MCUR1: variants seen among roughly 807,000 people sequenced by gnomAD.
MCUR1 encodes the protein mitochondrial calcium uniporter regulator 1.
In MCUR1, 37 loss-of-function variants were observed where a neutral mutation model predicts 42.0. The ratio of observed to expected loss-of-function variants is 0.88; its 90% confidence interval spans 0.68 to 1.16. The LOEUF is 1.16. MCUR1 is among the 50% of genes most tolerant of loss of function. The probability of loss-of-function intolerance (pLI) is 0.00; values close to 1 mark genes in which losing one functional copy is unlikely to be tolerated. For synonymous variants in MCUR1, 229 were observed against 196.2 expected (o/e 1.17, Z -1.40); for missense variants, 469 against 468.4 (o/e 1.00, Z -0.01).
intron 8 of MCUR1, among the ~76,000 whole-genome samples, 165 bp from the exon 9 acceptor site, chr6:13,791,029 C>A (rs369265327): frequency 4.6e-5 from 7 of 152,244 alleles, no homozygotes; most frequent in South Asian, 4.1e-4. Flanking sequence ...AAATCCCACA[C>A]CCTTTATTTT....
At chr6:13,810,719 TAGCTGTGGTCAC>T (rs1760214088) in intron 1 of MCUR1, among the ~76,000 whole-genome samples, 2 of 152,040 alleles carry the variant, frequency 1.3e-5, no homozygotes, top group Non-Finnish European at 2.9e-5. Context: ...AAGGGGAGGG[TAGCTGTGGTCAC>T]TGTAAGCATC....
chr6:13,795,091 A>G (rs74423890), intron 6 of MCUR1, among the ~76,000 whole-genome samples: 7,524 of 151,558 alleles, frequency 0.05, 636 homozygotes, highest in African/African-American at 0.17. Context: ...GCTATAAAAT[A>G]TTCTCCTGGG....
rs1760047593 is a variant in MCUR1 at position 13,803,879 on chromosome 6, T to C, written c.536-1533A>G. ...TGGGTGTGGTGGCTCACGCCTGTAA[T>C]CCTAACACTCTGGGAGACCAAGGCG... On this transcript the variant is annotated intron_variant, in intron 2 of 8. Coordinates refer to ENST00000379170, the MANE Select transcript of MCUR1 (RefSeq NM_001031713.4). 3 of 984,742 alleles carry C rather than the reference T, an allele frequency of 3.0e-6. 1 individual carries two copies. The allele number at this position is 984,742 out of a possible 1,614,324, so 61.0% of individuals were successfully genotyped here. A position where few individuals can be genotyped will look rare whatever the true frequency, so the allele number is the denominator to read the frequency against.
intron 2 of MCUR1, among the ~76,000 whole-genome samples, chr6:13,805,615 G>C (rs1760097434): frequency 6.6e-6 from 1 of 152,178 alleles, no homozygotes; most frequent in Admixed American, 6.5e-5. Flanking sequence ...CTCCCACAAA[G>C]CACAGAATAA....
At chr6:13,806,891 C>A in intron 2 of MCUR1, 34 bp downstream of exon 2, 1 of 1,541,060 alleles carries the variant, frequency 6.5e-7, no homozygotes, top group South Asian at 1.2e-5. Flanking sequence ...AAGTGTTTTT[C>A]TAAGGCACTA....
At chr6:13,807,646 G>T (rs1760139421) in intron 1 of MCUR1, among the ~76,000 whole-genome samples, 3 of 152,140 alleles carry the variant, frequency 2.0e-5, no homozygotes, top group Admixed American at 6.5e-5. Flanking sequence ...AATATACTTA[G>T]GAGTAGAATT....
In MCUR1 at chr6:13,791,873, C is replaced by T; in HGVS notation, c.1024+5G>A. On this transcript the variant is annotated splice_donor_5th_base_variant and intron_variant, in intron 8 of 8. Coordinates refer to ENST00000379170, the MANE Select transcript of MCUR1 (RefSeq NM_001031713.4). ...GTTGATTTAAATAGATACAAAATAG[C>T]TTACCTGCTAAATATTTAATATTAT... 6.3e-7 allele frequency: 1 copy of T among 1,594,040 alleles called. No homozygotes were observed. Among genetic ancestry groups the T allele is most frequent in the South Asian group, 1.1e-5 (1 of 89,596 alleles).
intron 1 of MCUR1, among the ~76,000 whole-genome samples, chr6:13,807,258 T>A (rs1282815636): frequency 6.6e-6 from 1 of 152,236 alleles, no homozygotes; most frequent in Admixed American, 6.5e-5. Context: ...AATACTTTCA[T>A]CACTGTCAAG....
At chr6:13,804,591 A>G (rs989911312) in intron 2 of MCUR1, among the ~76,000 whole-genome samples, 5 of 151,028 alleles carry the variant, frequency 3.3e-5, no homozygotes, top group Admixed American at 6.6e-5. Context: ...TGGCTAACAC[A>G]GTGAAACCCC....
At position 13,814,168 on chromosome 6, in the gene MCUR1, G is replaced by C; in HGVS notation, c.262C>G (p.Gln88Glu). ...CGCGAGCGCTCCCAGTCCCCGAGCT[G>C]CCGGCGCGGGGCTGCGGCGGCCAAG... ...PRLAAAAPRR[Q>E]LGDWERSRLG... Residue 88 changes from glutamine to glutamate, a missense_variant, in exon 1 of 9, where the codon CAG (glutamine) becomes GAG (glutamate). By Grantham distance (29) the Gln-to-Glu change is conservative. Transcript: ENST00000379170. 7.5e-7 allele frequency: 1 copy of C among 1,333,260 alleles called. No homozygotes were observed. The highest frequency in any genetic ancestry group is 9.5e-7 in the Non-Finnish European group (1 of 1,049,326). 82.6% of individuals were successfully genotyped at this position (1,333,260 alleles called of 1,614,324 possible).
chr6:13,814,459 G>C lies in MCUR1; in HGVS notation c.-30C>G, dbSNP rs770571094. The C allele has an allele frequency of 1.4e-6, 2 of 1,463,974 alleles. No individual in the cohort carries two copies. The highest frequency in any genetic ancestry group is 2.6e-5 in the Admixed American group (1 of 38,668). The allele number at this position is 1,463,974 out of a possible 1,614,324, so 90.7% of individuals were successfully genotyped here. A position where few individuals can be genotyped will look rare whatever the true frequency, so the allele number is the denominator to read the frequency against. On this transcript the variant is annotated 5_prime_UTR_variant, in exon 1 of 9. Coordinates refer to ENST00000379170, the MANE Select transcript of MCUR1 (RefSeq NM_001031713.4). Reference sequence around the variant, plus strand: ...GAGCAGTTCACTGGCCCGGGCGCGCGCTCATGCCTCTCGCTTTTGGCGCCG... The same window carrying C: ...GAGCAGTTCACTGGCCCGGGCGCGCCCTCATGCCTCTCGCTTTTGGCGCCG...
At chr6:13,799,827 CTTTTTT>C (rs542304036) in intron 5 of MCUR1, among the ~76,000 whole-genome samples, 3 of 96,212 alleles carry the variant, frequency 3.1e-5, no homozygotes, top group African/African-American at 1.1e-4. Flanking sequence ...ACACAATTTT[CTTTTTT>C]TTTTTTTTTT....
At chr6:13,812,978 G>T (rs1760270673) in intron 1 of MCUR1, among the ~76,000 whole-genome samples, 1 of 152,130 alleles carries the variant, frequency 6.6e-6, no homozygotes, top group Non-Finnish European at 1.5e-5. Context: ...AGGACAGAGG[G>T]GCACACACGA....
rs1760129440 is a variant in MCUR1, at chr6:13,807,162, TGA to T, written c.416-120_416-119del. 2.7e-6 allele frequency: 3 copies of T among 1,121,670 alleles called. No individual in the cohort carries two copies. The South Asian group carries it at 5.7e-5, about 21-fold the overall frequency. 69.5% of individuals were successfully genotyped at this position (1,121,670 alleles called of 1,614,324 possible). On this transcript the variant is annotated intron_variant, in intron 1 of 8. Coordinates refer to ENST00000379170, the MANE Select transcript of MCUR1 (RefSeq NM_001031713.4). The stretch of plus-strand genomic sequence containing the variant: ...TCGTGGTACTTTATAACAGCTTCGT[TGA>T]GATATACAATTCACCCAATTTCAAG...
rs199819287 is a variant in MCUR1 at position 13,808,899 on chromosome 6, GTTTGT to G, written c.416-1860_416-1856del. 4.5e-3 allele frequency among the ~76,000 whole-genome samples: 680 copies of G among 152,148 alleles called. 2 individuals are homozygous for G. Among genetic ancestry groups the G allele is most frequent in the African/African-American group, 0.015 (630 of 41,500 alleles). The stretch of plus-strand genomic sequence containing the variant: ...GCCACACTTTCTTGATTACTTTTAA[GTTTGT>G]TTTAAGTTTGACATCAGAAAGTGTT... On this transcript the variant is annotated intron_variant, in intron 1 of 8. Transcript: ENST00000379170.
chr6:13,804,592 G>C (rs1432323797), intron 2 of MCUR1, among the ~76,000 whole-genome samples: 1 of 151,578 alleles, frequency 6.6e-6, no homozygotes, highest in Non-Finnish European at 1.5e-5. Flanking sequence ...GGCTAACACA[G>C]TGAAACCCCG....
intron 5 of MCUR1, 33 bp from the exon 6 acceptor site, chr6:13,798,937 A>C (rs1450899738): frequency 1.5e-6 from 2 of 1,338,174 alleles, no homozygotes; most frequent in African/African-American, 2.9e-5. Flanking sequence ...AGAAGGAAAA[A>C]TCCAAAGTAA....
rs1759710132 is a variant in MCUR1, at chr6:13,790,680, T to C, written c.*129A>G. The C allele has an allele frequency of 3.4e-6, 2 of 591,600 alleles. No homozygotes were observed. Among genetic ancestry groups the C allele is most frequent in the Non-Finnish European group, 3.0e-6 (1 of 331,898 alleles). The allele number at this position is 591,600 out of a possible 1,614,324, so 36.6% of individuals were successfully genotyped here. A position where few individuals can be genotyped will look rare whatever the true frequency, so the allele number is the denominator to read the frequency against. On this transcript the variant is annotated 3_prime_UTR_variant, in exon 9 of 9. Coordinates refer to ENST00000379170, the MANE Select transcript of MCUR1 (RefSeq NM_001031713.4). Reference sequence around the variant, plus strand: ...GTTGGCCAGGCTGGTCTCGAACTCCTGACCTCAGGTAATCCACCTGCCTCA... The same window carrying C: ...GTTGGCCAGGCTGGTCTCGAACTCCCGACCTCAGGTAATCCACCTGCCTCA...
chr6:13,807,055 A>G lies in MCUR1; in HGVS notation c.416-11T>C. 1 of 1,593,474 alleles carries G rather than the reference A, an allele frequency of 6.3e-7. No homozygotes were observed. On this transcript the variant is annotated splice_polypyrimidine_tract_variant and intron_variant, in intron 1 of 8. Transcript: ENST00000379170. ...CAGACAAGCTTAGCTCTAGGGTGGA[A>G]AGGACAGTAAGCTCAAAACAGACTT...
Sources: allele counts gnomAD v4.1 joint callset (sites outside exome capture counted in the v4.1 genomes callset), GRCh38; gene constraint gnomAD v4.1.1; transcripts MANE v1.5; gene names NCBI Gene and HGNC (gene_info 2026-07-23, HGNC 2026-07-21).